Variants in RALGPS1 observed in about 807,000 individuals in gnomAD.
RALGPS1 encodes ras-specific guanine nucleotide-releasing factor RalGPS1.
In RALGPS1, 19 loss-of-function variants were observed where a neutral mutation model predicts 78.8. The observed-to-expected ratio is 0.24, with a 90% CI of 0.17 to 0.35. The LOEUF (loss-of-function observed/expected upper bound fraction) is 0.35. Among genes scored for constraint, RALGPS1 ranks in the 10% least tolerant of loss-of-function variants. RALGPS1 has a pLI of 1.00. For synonymous variants in RALGPS1, 228 were observed against 256.3 expected (o/e 0.89, Z 1.06); for missense variants, 454 against 688.3 (o/e 0.66, Z 3.81).
At chr9:127,120,647 C>T (rs774124457) in intron 8 of RALGPS1, among the ~76,000 whole-genome samples, 1 of 152,086 alleles carries the variant, frequency 6.6e-6, no homozygotes, top group Non-Finnish European at 1.5e-5. Context: ...CGTGGTGAAA[C>T]CCGTCTCTAC....
intron 8 of RALGPS1, among the ~76,000 whole-genome samples, chr9:127,126,150 T>TACCCCC (rs2056601675): frequency 7.5e-6 from 1 of 133,776 alleles, no homozygotes; most frequent in South Asian, 2.6e-4. Context: ...ACCCCACCCC[T>TACCCCC]ACCCCCAACT....
chr9:127,041,298 G>T (rs1435313096), intron 5 of RALGPS1, among the ~76,000 whole-genome samples: 1 of 151,994 alleles, frequency 6.6e-6, no homozygotes, highest in Non-Finnish European at 1.5e-5. Context: ...CACCATGTTC[G>T]CCAGGTTGGT....
chr9:126,996,983 CG>C (rs1253977243), intron 4 of RALGPS1, among the ~76,000 whole-genome samples: 5 of 151,486 alleles, frequency 3.3e-5, no homozygotes, highest in African/African-American at 1.2e-4. Flanking sequence ...AATTCAACAA[CG>C]CTTCATGCTA....
intron 8 of RALGPS1, among the ~76,000 whole-genome samples, chr9:127,086,773 A>T (rs1451462124): frequency 2.6e-5 from 4 of 152,134 alleles, no homozygotes; most frequent in African/African-American, 9.7e-5. Flanking sequence ...TCATGCCTAG[A>T]ATCACTTCCC....
rs1008106837 is a variant in RALGPS1, at chr9:127,092,044, A to G, written c.610+22688A>G. On this transcript the variant is annotated intron_variant, in intron 8 of 18. Transcript: ENST00000259351. Reference sequence around the variant, plus strand: ...CCTGGATAGAGGGGCCTGGGAAACAAGCAGAGCATGAAGCAGACCTGGTTC... The same window carrying G: ...CCTGGATAGAGGGGCCTGGGAAACAGGCAGAGCATGAAGCAGACCTGGTTC... 3.5e-6 allele frequency: 5 copies of G among 1,427,418 alleles called. No homozygotes were observed. In the African/African-American group the frequency reaches 7.1e-5, roughly 20 times the overall value. 88.4% of individuals were successfully genotyped at this position (1,427,418 alleles called of 1,614,324 possible).
At chr9:126,971,290 G>T (rs2040088953) in intron 3 of RALGPS1, among the ~76,000 whole-genome samples, 1 of 148,876 alleles carries the variant, frequency 6.7e-6, no homozygotes, top group African/African-American at 2.5e-5. Context: ...AAAAAAAAAA[G>T]ATTTGAAACC....
At chr9:126,948,622 G>T (rs1285988346) in intron 1 of RALGPS1, among the ~76,000 whole-genome samples, 2 of 152,148 alleles carry the variant, frequency 1.3e-5, no homozygotes, top group Admixed American at 1.3e-4. Flanking sequence ...GCCAAGGATG[G>T]GTTTTCTCCC....
intron 4 of RALGPS1, among the ~76,000 whole-genome samples, chr9:127,008,492 C>T (rs1278547491): frequency 3.2e-5 from 2 of 62,664 alleles, no homozygotes; most frequent in Non-Finnish European, 1.1e-4. Context: ...GAAACAAAAC[C>T]GTCAGTAGAG....
At chr9:126,972,977 G>A (rs577607197) in intron 3 of RALGPS1, among the ~76,000 whole-genome samples, 53 of 151,324 alleles carry the variant, frequency 3.5e-4, no homozygotes, top group Middle Eastern at 3.5e-3. Flanking sequence ...CAGGAGAATC[G>A]CTTGAACCCA....
chr9:127,118,592 A>G (rs2055701554), intron 8 of RALGPS1, among the ~76,000 whole-genome samples: 1 of 152,026 alleles, frequency 6.6e-6, no homozygotes, highest in African/African-American at 2.4e-5. Flanking sequence ...CTGCACCCTG[A>G]CCCCCAGTTT....
rs1431775351 is a variant in RALGPS1 at position 127,220,883 on chromosome 9, A to G, written c.*2114A>G. ...GCACCACAAAAACAGGTAATTTTCTATCCCTTATAAGTTTGTCTTTTCTTT... is the reference window on the plus strand; with the variant it reads ...GCACCACAAAAACAGGTAATTTTCTGTCCCTTATAAGTTTGTCTTTTCTTT... On this transcript the variant is annotated 3_prime_UTR_variant, in exon 19 of 19. Coordinates refer to ENST00000259351, the MANE Select transcript of RALGPS1 (RefSeq NM_014636.3). 6.6e-6 allele frequency: 1 copy of G among 152,600 alleles called. No homozygotes were observed. The highest frequency in any genetic ancestry group is 2.4e-5 in the African/African-American group (1 of 41,454). The allele number at this position is 152,600 out of a possible 1,614,324, so 9.5% of individuals were successfully genotyped here.
Position 127,219,070 on chromosome 9 carries a change from C to G in RALGPS1, c.*301C>G, listed in dbSNP as rs949296505. 9.1e-5 allele frequency: 43 copies of G among 471,648 alleles called. No homozygotes were observed. Among genetic ancestry groups the G allele is most frequent in the African/African-American group, 8.3e-4 (42 of 50,892 alleles). 29.2% of individuals were successfully genotyped at this position (471,648 alleles called of 1,614,324 possible). ...CATCTGCGACTAGAGAGCACCCGGC[C>G]CACGTTGGGTTCTCAGTGCTTTCTA... On this transcript the variant is annotated 3_prime_UTR_variant, in exon 19 of 19. Coordinates refer to ENST00000259351, the MANE Select transcript of RALGPS1 (RefSeq NM_014636.3). This position sits in a 1 kb window ranked among gnomAD's most constrained non-coding sequence, Gnocchi z 5.0.
At chr9:126,915,029 A>G (rs1257621824) in intron 1 of RALGPS1, 54 bp downstream of exon 1, 2 of 145,060 alleles carry the variant, frequency 1.4e-5, no homozygotes, top group African/African-American at 2.5e-5. Context: ...GGCGCGGCCG[A>G]CGGGGCGGGG....
chr9:127,123,013 G>A (rs1209220763), intron 8 of RALGPS1: 2 of 152,344 alleles, frequency 1.3e-5, no homozygotes, highest in Admixed American at 6.5e-5. Context: ...GTTTAGATCC[G>A]CTCCAGCTGT....
chr9:127,134,797 T>C (rs2057280998), intron 8 of RALGPS1, among the ~76,000 whole-genome samples: 1 of 152,218 alleles, frequency 6.6e-6, no homozygotes, highest in African/African-American at 2.4e-5. Flanking sequence ...TAAAAACTCA[T>C]AGCTCACTGT....
chr9:126,978,774 G>A (rs1002281397), intron 4 of RALGPS1, among the ~76,000 whole-genome samples: 1 of 152,038 alleles, frequency 6.6e-6, no homozygotes, highest in Admixed American at 6.6e-5. Flanking sequence ...CTGCTTTCTT[G>A]TCTGATTTGA....
At chr9:127,088,946 A>G (rs1212147687) in intron 8 of RALGPS1, 2 of 1,613,942 alleles carry the variant, frequency 1.2e-6, no homozygotes, top group Non-Finnish European at 1.7e-6. Flanking sequence ...GGCTTAGTGG[A>G]AGGTGTTGGG....
chr9:127,207,801 G>T (rs2062015278), intron 14 of RALGPS1, among the ~76,000 whole-genome samples: 1 of 152,190 alleles, frequency 6.6e-6, no homozygotes, highest in African/African-American at 2.4e-5. Context: ...CTAAAGGCTG[G>T]CCTGGAGAAA....
intron 1 of RALGPS1, among the ~76,000 whole-genome samples, chr9:126,921,659 G>T (rs1414910454): frequency 2.6e-5 from 4 of 152,232 alleles, no homozygotes; most frequent in African/African-American, 9.6e-5. Flanking sequence ...ACAAACAGAT[G>T]TGGGTTTGTG....
Sources: gnomAD v4.1 joint callset for allele counts (sites outside exome capture counted in the v4.1 genomes callset) on GRCh38, gnomAD v4.1.1 for gene constraint, Gnocchi (gnomAD v3.1) non-coding constraint, MANE v1.5 for transcripts, NCBI Gene and HGNC (gene_info 2026-07-23, HGNC 2026-07-21) for gene names.